HOXC4: variants seen among roughly 807,000 people sequenced by gnomAD.
HOXC4 encodes the protein homeobox protein Hox-C4.
HOXC4 carries 15 observed loss-of-function variants against 25.5 expected under a neutral mutation model. That is an observed-to-expected ratio of 0.59 (90% CI 0.39 to 0.91). HOXC4 has a LOEUF of 0.91. Among genes scored for constraint, HOXC4 ranks in the 40% least tolerant of loss-of-function variants. The pLI is 0.00. For missense variants in HOXC4, 342 were observed against 352.4 expected (o/e 0.97, Z 0.24); for synonymous variants, 165 against 148.0 (o/e 1.11, Z -0.83).
At chr12:54,035,531 G>T (rs1941166777) in intron 1 of HOXC4, among the ~76,000 whole-genome samples, 1 of 152,162 alleles carries the variant, frequency 6.6e-6, no homozygotes, top group Admixed American at 6.5e-5. Flanking sequence ...CCTGTTCCTT[G>T]GCTGCAACAA....
chr12:54,033,575 C>T (rs767230924), intron 1 of HOXC4: 21 of 1,573,830 alleles, frequency 1.3e-5, no homozygotes, highest in Non-Finnish European at 1.8e-5. Flanking sequence ...ACATGAGCCA[C>T]GGTAAACTTT....
intron 1 of HOXC4, among the ~76,000 whole-genome samples, chr12:54,019,447 A>G (rs1179444684): frequency 1.3e-5 from 2 of 152,248 alleles, no homozygotes; most frequent in South Asian, 2.1e-4. Context: ...GAGGGGCCCG[A>G]GAGGCCCGAA....
At chr12:54,047,357 G>C (rs868616322) in intron 1 of HOXC4, among the ~76,000 whole-genome samples, 2 of 152,258 alleles carry the variant, frequency 1.3e-5, no homozygotes, top group Non-Finnish European at 1.5e-5. Flanking sequence ...GCGCCGCGGG[G>C]CCGCTGCAGA....
intron 1 of HOXC4, chr12:54,032,754 G>T (rs1346975604): frequency 6.0e-6 from 1 of 165,750 alleles, no homozygotes; most frequent in Non-Finnish European, 1.3e-5. Flanking sequence ...ACCAGGTGTC[G>T]CTGTGGGCTT....
At chr12:54,029,864 T>C in intron 1 of HOXC4, 1 of 1,612,842 alleles carries the variant, frequency 6.2e-7, no homozygotes. Flanking sequence ...TAATCTCACA[T>C]CCACTCTCTC....
chr12:54,051,126 G>A (rs544717591), upstream of HOXC4, among the ~76,000 whole-genome samples: 25 of 152,226 alleles, frequency 1.6e-4, no homozygotes, highest in Admixed American at 1.3e-4. Context: ...GTCAGGGCAC[G>A]GATGGTAAAA....
intron 1 of HOXC4, chr12:54,034,229 C>G (rs778947131): frequency 3.0e-5 from 46 of 1,520,578 alleles, no homozygotes; most frequent in Non-Finnish European, 4.2e-5. Flanking sequence ...CGGGGGAACG[C>G]TGCAAGCTAT....
upstream of HOXC4, among the ~76,000 whole-genome samples, chr12:54,050,146 C>G (rs1010232454): frequency 9.2e-5 from 14 of 152,158 alleles, no homozygotes; most frequent in African/African-American, 3.4e-4. Context: ...AGCCGCTGAG[C>G]TCTCTCAGCC....
intron 1 of HOXC4, among the ~76,000 whole-genome samples, chr12:54,044,848 C>T (rs1042893739): frequency 2.0e-5 from 3 of 152,076 alleles, no homozygotes; most frequent in African/African-American, 7.2e-5. Flanking sequence ...CTAAGGATCC[C>T]CCACCCCCTG....
At chr12:54,030,108 A>G (rs1940925986) in intron 1 of HOXC4, 6 of 787,556 alleles carry the variant, frequency 7.6e-6, no homozygotes, top group Non-Finnish European at 1.2e-5. Flanking sequence ...CGTGGACCTG[A>G]AAGTCAGCTC....
intron 1 of HOXC4, chr12:54,028,747 T>A (rs1940847296): frequency 6.2e-7 from 1 of 1,613,986 alleles, no homozygotes; most frequent in Non-Finnish European, 8.5e-7. Flanking sequence ...TGGATCTAAT[T>A]CCTTTTACCA....
chr12:54,036,619 G>T (rs982262749), intron 1 of HOXC4, among the ~76,000 whole-genome samples: 8 of 152,122 alleles, frequency 5.3e-5, no homozygotes, highest in Non-Finnish European at 7.4e-5. Context: ...CTCAGGCCAG[G>T]TTAGGGCGCC....
intron 1 of HOXC4, chr12:54,028,413 T>C (rs1390396698): frequency 2.4e-6 from 3 of 1,243,750 alleles, no homozygotes; most frequent in Non-Finnish European, 3.3e-6. Flanking sequence ...TTTGTCATTT[T>C]GTCTGTCCTG....
intron 1 of HOXC4, among the ~76,000 whole-genome samples, chr12:54,040,511 T>A (rs1290753841): frequency 6.6e-6 from 1 of 152,186 alleles, no homozygotes; most frequent in Non-Finnish European, 1.5e-5. Context: ...AGTCTTTGGC[T>A]TGTCTCCTCA....
In HOXC4 at chr12:54,029,780, A is replaced by T. The variant is rs751262560; in HGVS notation, c.-124+12366A>T. The T allele has an allele frequency of 2.5e-6, 4 of 1,614,150 alleles. No individual in the cohort carries two copies. In the South Asian group the frequency reaches 3.3e-5, roughly 13 times the overall value. On this transcript the variant is annotated intron_variant, in intron 1 of 3. Transcript: ENST00000303406. ...GCGGCGCCGGCGCATCGAGATCGCC[A>T]ACGCGCTTTGCCTGACCGAGCGACA...
At chr12:54,038,010 A>G (rs1432038787) in intron 1 of HOXC4, 1 of 152,172 alleles carries the variant, frequency 6.6e-6, no homozygotes, top group Non-Finnish European at 1.5e-5. Context: ...TCCCAGGCGA[A>G]CGCTGTGAGT....
At chr12:54,022,368 G>T (rs1940490412) in intron 1 of HOXC4, 1 of 152,150 alleles carries the variant, frequency 6.6e-6, no homozygotes, top group African/African-American at 2.4e-5. Context: ...CTTTGCTAAA[G>T]ATCCTATATG....
rs747096432 is a variant in HOXC4, at chr12:54,054,120, G to A, written c.198G>A (p.Gln66=). ...CGCGCCCTAGCTACCCTGAGCGCCA[G>A]TATAGCTGCACCAGTCTCCAGGGGC... is the stretch of plus-strand genomic sequence containing the variant. ...PPPRPSYPER[Q]YSCTSLQGPG... Residue 66 remains glutamine (Q), a synonymous_variant, in exon 1 of 2, where the codon CAG becomes CAA. Transcript: ENST00000430889. The A allele has an allele frequency of 6.2e-7, 1 of 1,614,134 alleles. No homozygotes were observed. The highest frequency in any genetic ancestry group is 1.3e-5 in the African/African-American group (1 of 75,024).
rs1941060511 is a variant in HOXC4, at chr12:54,033,316, C to T, written c.-124+15902C>T. On this transcript the variant is annotated intron_variant, in intron 1 of 3. Coordinates refer to the HOXC4 transcript ENST00000303406. ...TCTCTCCACGGGGTAGACATGGCTG[C>T]CAACCCCCGGGCTCACCCCGACCGC... The T allele has an allele frequency of 2.5e-6, 4 of 1,613,964 alleles. No individual in the cohort carries two copies. The Admixed American group carries it at 5.0e-5, about 20-fold the overall frequency.
Sources: gnomAD v4.1 joint callset for allele counts (sites outside exome capture counted in the v4.1 genomes callset) on GRCh38, gnomAD v4.1.1 for gene constraint, MANE v1.5 for transcripts, NCBI Gene and HGNC (gene_info 2026-07-23, HGNC 2026-07-21) for gene names.